Variants in MREG observed in about 807,000 individuals in gnomAD.
MREG encodes melanoregulin.
In MREG, 31 loss-of-function variants were observed where a neutral mutation model predicts 28.5. The observed-to-expected ratio is 1.09, with a 90% CI of 0.82 to 1.47. MREG has a LOEUF of 1.47. MREG is among the 40% of genes most tolerant of loss of function. The probability of loss-of-function intolerance (pLI) is 0.00; values close to 1 mark genes in which losing one functional copy is unlikely to be tolerated. For missense variants in MREG, 256 were observed against 257.4 expected, an observed-to-expected ratio of 0.99 and a Z score of 0.04; for synonymous variants, 106 against 95.2, an observed-to-expected ratio of 1.11 and a Z score of -0.66.
chr2:215,961,169 A>G (rs1692775861), intron 2 of MREG, among the ~76,000 whole-genome samples: 1 of 152,232 alleles, frequency 6.6e-6, no homozygotes, highest in Non-Finnish European at 1.5e-5. Context: ...GCGGTCTGGC[A>G]CCTTCAAGAC....
At chr2:215,975,008 T>TATATATATATATATATA (rs1553550371) in intron 2 of MREG, among the ~76,000 whole-genome samples, 1 of 106,608 alleles carries the variant, frequency 9.4e-6, no homozygotes, top group African/African-American at 3.2e-5. Context: ...TTTATATGAA[T>TATATATATATATATATA]TATATATATA....
intron 2 of MREG, among the ~76,000 whole-genome samples, chr2:215,960,821 G>A (rs974549175): frequency 2.0e-5 from 3 of 151,916 alleles, no homozygotes; most frequent in Admixed American, 6.6e-5. Flanking sequence ...GCGACAGGGC[G>A]AGACTCCATC....
intron 2 of MREG, among the ~76,000 whole-genome samples, chr2:215,962,308 T>C (rs190704277): frequency 9.8e-5 from 15 of 152,308 alleles, no homozygotes; most frequent in African/African-American, 3.6e-4. Flanking sequence ...AGATTCGAGC[T>C]AGTTTTGTTT....
chr2:216,024,237 A>G (rs56000867), intron 1 of MREG, among the ~76,000 whole-genome samples: 27,951 of 152,018 alleles, frequency 0.18, 3,047 homozygotes, highest in Non-Finnish European at 0.25. Context: ...TATGTACCCC[A>G]TAAGAAGACC....
At chr2:215,970,175 C>T (rs562551222) in intron 2 of MREG, among the ~76,000 whole-genome samples, 2 of 152,266 alleles carry the variant, frequency 1.3e-5, no homozygotes, top group African/African-American at 4.8e-5. Context: ...TCCAGTACAA[C>T]TGCTTTCCCA....
intron 1 of MREG, among the ~76,000 whole-genome samples, chr2:215,999,205 G>A (rs1473899166): frequency 6.6e-6 from 1 of 152,216 alleles, no homozygotes; most frequent in Non-Finnish European, 1.5e-5. Context: ...AGGTAACGTG[G>A]GGTCAGACTA....
At chr2:215,947,736 C>T (rs571094691) in intron 2 of MREG, among the ~76,000 whole-genome samples, 19 of 152,202 alleles carry the variant, frequency 1.2e-4, no homozygotes, top group Non-Finnish European at 2.2e-4. Context: ...CCTTCACCAC[C>T]ATATCTCAGC....
chr2:215,979,191 C>T (rs1384658682), intron 2 of MREG, among the ~76,000 whole-genome samples: 4 of 152,102 alleles, frequency 2.6e-5, no homozygotes, highest in East Asian at 1.9e-4. Context: ...AGGTCGGGCA[C>T]GGTGGCTCAC....
In MREG at chr2:215,947,087, G is replaced by T. The variant is rs1163027860; in HGVS notation, c.282C>A (p.Ile94=). 6.2e-7 allele frequency: 1 copy of T among 1,612,858 alleles called. No individual in the cohort carries two copies. Among genetic ancestry groups the T allele is most frequent in the Admixed American group, 1.7e-5 (1 of 59,954 alleles). Residue 94 remains isoleucine, a synonymous_variant, in exon 3 of 5, where the codon ATC becomes ATA. Transcript: ENST00000263268. ...CCCTTCGAACCTGCCGCAGGGTATG[G>T]ATATCATAGTTGAGCTTCTGCCACT... ...SEEWQKLNYD[I]HTLRQVRREV...
intron 1 of MREG, among the ~76,000 whole-genome samples, chr2:216,028,890 A>G (rs1694637674): frequency 6.6e-6 from 1 of 152,068 alleles, no homozygotes; most frequent in Non-Finnish European, 1.5e-5. Context: ...TATATTAGTT[A>G]CACCACAATA....
intron 2 of MREG, among the ~76,000 whole-genome samples, chr2:215,958,269 A>T (rs929583419): frequency 2.0e-5 from 3 of 150,212 alleles, no homozygotes; most frequent in Non-Finnish European, 4.4e-5. Context: ...TAATAAAATA[A>T]AAATAAATAA....
rs956353113 is a variant in MREG, at chr2:215,945,056, G to A, written c.511-59C>T. 3.0e-5 allele frequency: 44 copies of A among 1,481,434 alleles called. No individual in the cohort carries two copies. The Admixed American group carries it at 5.3e-4, about 18-fold the overall frequency. 91.8% of individuals were successfully genotyped at this position (1,481,434 alleles called of 1,614,324 possible). A position where few individuals can be genotyped will look rare whatever the true frequency, so the allele number is the denominator to read the frequency against. ...GGCAAGATAGGAACCAAGACATGTCGATGGGAAAAAGCAATCTAACAACAA... is the reference window on the plus strand; with the variant it reads ...GGCAAGATAGGAACCAAGACATGTCAATGGGAAAAAGCAATCTAACAACAA... On this transcript the variant is annotated intron_variant, in intron 4 of 4. Transcript: ENST00000263268.
At chr2:215,994,693 A>G (rs1282698502) in intron 2 of MREG, among the ~76,000 whole-genome samples, 3 of 152,088 alleles carry the variant, frequency 2.0e-5, no homozygotes, top group Admixed American at 2.0e-4. Flanking sequence ...ACCAGCACAA[A>G]AAAGACACAA....
chr2:215,942,724 A>G lies in MREG; in HGVS notation c.*2139T>C, dbSNP rs1373612619. On this transcript the variant is annotated 3_prime_UTR_variant, in exon 5 of 5. Coordinates refer to ENST00000263268, the MANE Select transcript of MREG (RefSeq NM_018000.3). The stretch of plus-strand genomic sequence containing the variant: ...TGGTAACAATTTATAGATGCACACA[A>G]TCTCATCTATTTTGACATAAAAAAG... 6.6e-6 allele frequency: 1 copy of G among 152,666 alleles called. No homozygotes were observed. The highest frequency in any genetic ancestry group is 2.4e-5 in the African/African-American group (1 of 41,464). 9.5% of individuals were successfully genotyped at this position (152,666 alleles called of 1,614,324 possible). A position where few individuals can be genotyped will look rare whatever the true frequency, so the allele number is the denominator to read the frequency against.
chr2:215,964,840 C>CAGATAGATAGAT (rs71935773), intron 2 of MREG, among the ~76,000 whole-genome samples: 38 of 149,744 alleles, frequency 2.5e-4, no homozygotes, highest in East Asian at 5.9e-4. Flanking sequence ...GACAGACAGA[C>CAGATAGATAGAT]AGATAGATAG....
At chr2:216,031,550 AGAGG>A (rs1371976375) in intron 1 of MREG, among the ~76,000 whole-genome samples, 9 of 148,416 alleles carry the variant, frequency 6.1e-5, no homozygotes, top group African/African-American at 1.5e-4. Context: ...AAGGAAGGAA[AGAGG>A]GAGGGAGGGA....
upstream of MREG, among the ~76,000 whole-genome samples, chr2:216,014,238 CAT>C (rs1471954695): frequency 2.0e-5 from 3 of 152,122 alleles, no homozygotes; most frequent in Non-Finnish European, 4.4e-5. Context: ...AGGATGCCCA[CAT>C]GTTACTTACT....
chr2:216,012,151 T>C lies in MREG; in HGVS notation c.95+1082A>G, dbSNP rs576501208. Among the ~76,000 whole-genome samples the C allele has an allele frequency of 2.0e-5, 3 of 152,244 alleles. No homozygotes were observed. The East Asian group carries it at 5.8e-4, about 29-fold the overall frequency. Reference sequence around the variant, plus strand: ...GGGCAAAGTAATCAAAGAAGATTGCTTGAGAAGGCCTTGAAAATAGCTTTT... The same window carrying C: ...GGGCAAAGTAATCAAAGAAGATTGCCTGAGAAGGCCTTGAAAATAGCTTTT... On this transcript the variant is annotated intron_variant, in intron 1 of 4. Transcript: ENST00000263268.
Position 215,997,715 on chromosome 2 carries a change from G to A in MREG, c.96-1250C>T, listed in dbSNP as rs115192369. Among the ~76,000 whole-genome samples, 312 of 152,270 alleles carry A rather than the reference G, an allele frequency of 2.0e-3. 1 individual carries two copies. Among genetic ancestry groups the A allele is most frequent in the African/African-American group, 7.2e-3 (298 of 41,542 alleles). On this transcript the variant is annotated intron_variant, in intron 1 of 4. Transcript: ENST00000263268. ...GCTGCTAAGAGAAAATCCTTATGAAGGCAGGCGTCAGGTAGGTGTCATGAA... is the reference window on the plus strand; with the variant it reads ...GCTGCTAAGAGAAAATCCTTATGAAAGCAGGCGTCAGGTAGGTGTCATGAA...
Sources: gnomAD v4.1 joint callset for allele counts (sites outside exome capture counted in the v4.1 genomes callset) on GRCh38, gnomAD v4.1.1 for gene constraint, MANE v1.5 for transcripts, NCBI Gene and HGNC (gene_info 2026-07-23, HGNC 2026-07-21) for gene names.